RSF1: variants seen among roughly 807,000 people sequenced by gnomAD.
RSF1 encodes the protein remodeling and spacing factor 1.
RSF1 carries 13 observed loss-of-function variants against 145.2 expected under a neutral mutation model. The observed-to-expected ratio is 0.09, with a 90% CI of 0.06 to 0.14. RSF1 has a LOEUF of 0.14. Ranked by LOEUF, RSF1 falls within the 10% of genes least tolerant of loss-of-function variation. The pLI is 1.00. For missense variants in RSF1, 1,517 were observed against 1,718.2 expected, an observed-to-expected ratio of 0.88 and a Z score of 2.07; for synonymous variants, 577 against 592.6, an observed-to-expected ratio of 0.97 and a Z score of 0.38.
In RSF1 at chr11:77,662,991, C is replaced by T. The variant is rs1265848514; in HGVS notation, c.*3926G>A. On this transcript the variant is annotated 3_prime_UTR_variant, in exon 16 of 16. Coordinates refer to ENST00000308488, the MANE Select transcript of RSF1 (RefSeq NM_016578.4). ...AATGATGGATTCATTTTTATTTTTT[C>T]TGATACTTATCTGAAGTGTGTGCGT... The T allele has an allele frequency of 6.6e-6, 1 of 151,464 alleles. No homozygotes were observed. The highest frequency in any genetic ancestry group is 1.5e-5 in the Non-Finnish European group (1 of 67,852). The allele number at this position is 151,464 out of a possible 1,614,324, so 9.4% of individuals were successfully genotyped here. A position where few individuals can be genotyped will look rare whatever the true frequency, so the allele number is the denominator to read the frequency against.
chr11:77,678,683 A>G (rs946023911), intron 11 of RSF1, among the ~76,000 whole-genome samples: 3 of 152,190 alleles, frequency 2.0e-5, no homozygotes, highest in Non-Finnish European at 4.4e-5. Flanking sequence ...AAAAGAAGCC[A>G]GAGAGAGACC....
At chr11:77,671,164 T>A (rs1959532878) in intron 15 of RSF1, among the ~76,000 whole-genome samples, 3 of 90,660 alleles carry the variant, frequency 3.3e-5, no homozygotes, top group African/African-American at 1.5e-4. Context: ...TATATATATA[T>A]ATATATATAT....
intron 3 of RSF1, among the ~76,000 whole-genome samples, chr11:77,745,306 T>C (rs1053789188): frequency 6.6e-6 from 1 of 152,174 alleles, no homozygotes; most frequent in African/African-American, 2.4e-5. Context: ...TCTTCTTCCT[T>C]CTACTGAGTT....
At position 77,688,562 on chromosome 11, in the gene RSF1, A is replaced by G. The variant is rs375970297; in HGVS notation, c.2900+2597T>C. On this transcript the variant is annotated intron_variant, in intron 9 of 15. Transcript: ENST00000308488. The stretch of plus-strand genomic sequence containing the variant: ...AGTCCTAGTAATTTCATACAGGATC[A>G]TTCTTTATTTTTTAAAATGTTCTTG... Among the ~76,000 whole-genome samples, 11 of 152,360 alleles carry G rather than the reference A, an allele frequency of 7.2e-5. No individual in the cohort carries two copies. In the East Asian group the frequency reaches 1.9e-3, roughly 27 times the overall value.
At chr11:77,682,217 C>T (rs1022737509) in intron 11 of RSF1, among the ~76,000 whole-genome samples, 1 of 152,070 alleles carries the variant, frequency 6.6e-6, no homozygotes, top group African/African-American at 2.4e-5. Flanking sequence ...CTGATTCTAC[C>T]ATATTTTTAT....
chr11:77,869,317 T>C, the RSF1 span: 45 of 163,846 alleles, frequency 2.7e-4, no homozygotes, highest in Middle Eastern at 2.6e-3. Flanking sequence ...TTTTTCTTTT[T>C]TTTTTTTTTT....
At chr11:77,705,307 C>T (rs1565154810) in intron 5 of RSF1, among the ~76,000 whole-genome samples, 1 of 152,184 alleles carries the variant, frequency 6.6e-6, no homozygotes, top group Non-Finnish European at 1.5e-5. Context: ...AAATTCACTC[C>T]AAAAATTGAA....
At chr11:77,700,184 C>T (rs1688806473) in intron 6 of RSF1, among the ~76,000 whole-genome samples, 2 of 151,734 alleles carry the variant, frequency 1.3e-5, no homozygotes, top group African/African-American at 4.8e-5. Flanking sequence ...AAACCCACCT[C>T]TATTAAAAAT....
At chr11:77,682,118 A>G (rs1959878765) in intron 11 of RSF1, among the ~76,000 whole-genome samples, 1 of 152,212 alleles carries the variant, frequency 6.6e-6, no homozygotes, top group Admixed American at 6.5e-5. Flanking sequence ...TTGACTTCAT[A>G]CATACAGAAG....
chr11:77,812,944 C>G (rs1948745023), intron 1 of RSF1, among the ~76,000 whole-genome samples: 1 of 150,330 alleles, frequency 6.7e-6, no homozygotes, highest in Non-Finnish European at 1.5e-5. Flanking sequence ...GCCCTCACAA[C>G]TCATGTTCTT....
At chr11:77,696,649 C>A (rs1231532635) in intron 7 of RSF1, among the ~76,000 whole-genome samples, 4 of 152,166 alleles carry the variant, frequency 2.6e-5, no homozygotes, top group Non-Finnish European at 5.9e-5. Flanking sequence ...TTTAAAGGGA[C>A]ATTAGAAAAT....
intron 2 of RSF1, among the ~76,000 whole-genome samples, chr11:77,754,294 A>G (rs953708714): frequency 1.3e-5 from 2 of 152,210 alleles, no homozygotes; most frequent in East Asian, 3.8e-4. Flanking sequence ...GCTTACTGAC[A>G]GCCTCAATAA....
At chr11:77,848,557 A>C in the RSF1 span, among the ~76,000 whole-genome samples, 13 of 151,960 alleles carry the variant, frequency 8.6e-5, no homozygotes, top group Non-Finnish European at 1.6e-4. Context: ...GTGGGGTTTC[A>C]CCATGTTGGC....
At chr11:77,793,269 C>G (rs1248605153) in intron 1 of RSF1, among the ~76,000 whole-genome samples, 1 of 152,110 alleles carries the variant, frequency 6.6e-6, no homozygotes, top group African/African-American at 2.4e-5. Flanking sequence ...CACTTTAGGT[C>G]AGGAGTTCGA....
At chr11:77,786,745 T>G (rs1301311765) in intron 1 of RSF1, among the ~76,000 whole-genome samples, 1 of 152,134 alleles carries the variant, frequency 6.6e-6, no homozygotes. Context: ...GAAAAAAAAG[T>G]ACTGTTCTTG....
In RSF1 at chr11:77,725,435, C is replaced by T. The variant is rs187962471; in HGVS notation, c.733+110G>A. On this transcript the variant is annotated intron_variant, in intron 5 of 15. Transcript: ENST00000308488. ...AAATCAACCTCCTTTTATAAGAAGG[C>T]TCCCAATTCAAATTGAGATAGAAAT... is the stretch of plus-strand genomic sequence containing the variant. The T allele has an allele frequency of 1.0e-3, 937 of 905,410 alleles. 5 individuals carry two copies. The African/African-American group carries it at 0.015, about 14-fold the overall frequency. The allele number at this position is 905,410 out of a possible 1,614,324, so 56.1% of individuals were successfully genotyped here.
intron 1 of RSF1, among the ~76,000 whole-genome samples, chr11:77,789,037 AC>A (rs1190907049): frequency 2.0e-5 from 3 of 152,208 alleles, no homozygotes; most frequent in African/African-American, 7.2e-5. Flanking sequence ...ATTAAAAAAA[AC>A]AGAACACTGG....
intron 4 of RSF1, among the ~76,000 whole-genome samples, chr11:77,737,472 AAACAAC>A (rs371133283): frequency 0.028 from 3,110 of 110,376 alleles, 108 homozygotes; most frequent in African/African-American, 0.13. Flanking sequence ...AAAAACCAAA[AAACAAC>A]AACAACAACA....
Position 77,725,603 on chromosome 11 carries a change from C to T in RSF1, c.675G>A (p.Arg225=), listed in dbSNP as rs748884983. Residue 225 remains arginine, a synonymous_variant, in exon 5 of 16, where the codon CGG becomes CGA. Transcript: ENST00000308488. ...CCTCATCCTCTAAGCTGGGACTTTC[C>T]CGAGAAGAGTTGTCTTGTTGGCTAG... The part of the protein sequence containing the change: ...KNSSQQDNSS[R]ESPSLEDEET... 1.2e-6 allele frequency: 2 copies of T among 1,609,616 alleles called. No homozygotes were observed. Among genetic ancestry groups the T allele is most frequent in the East Asian group, 2.2e-5 (1 of 44,684 alleles).
Sources: allele counts gnomAD v4.1 joint callset (sites outside exome capture counted in the v4.1 genomes callset), GRCh38; gene constraint gnomAD v4.1.1; transcripts MANE v1.5; gene names NCBI Gene and HGNC (gene_info 2026-07-23, HGNC 2026-07-21).